The following TRMT61B variants were observed in gnomAD, a reference collection of about 807,000 sequenced individuals.
TRMT61B encodes the protein tRNA (adenine(58)-N(1))-methyltransferase, mitochondrial.
A neutral mutation model predicts 52.0 loss-of-function variants in TRMT61B; 56 were observed. The observed-to-expected ratio is 1.08, with a 90% CI of 0.87 to 1.35. TRMT61B has a LOEUF of 1.35. Ranked by LOEUF, TRMT61B falls within the 40% of genes most tolerant of loss-of-function variation. TRMT61B has a pLI of 0.00. For synonymous variants in TRMT61B, 206 were observed against 220.0 expected (o/e 0.94, Z 0.56); for missense variants, 650 against 577.9 (o/e 1.12, Z -1.28).
At position 28,869,845 on chromosome 2, in the gene TRMT61B, T is replaced by C. The variant is rs781539246; in HGVS notation, c.433A>G (p.Thr145Ala). The C allele has an allele frequency of 6.8e-6, 11 of 1,613,960 alleles. No individual in the cohort carries two copies. The highest frequency in any genetic ancestry group is 2.2e-5 in the East Asian group (1 of 44,882). ...GCCTGAAAGGGTCTCTCTCTGGAAG[T>C]TGAACAAGAAGGGGAGACGTGACGC... ...EERHVSPSCS[T>A]SRERPFQAGE... Residue 145 changes from threonine (T) to alanine (A), a missense_variant, in exon 1 of 7, where the codon ACT becomes GCT. Thr to Ala is a moderately conservative substitution (Grantham distance 58). Transcript: ENST00000306108.
chr2:28,863,915 C>G (rs541390731), intron 2 of TRMT61B, among the ~76,000 whole-genome samples: 1 of 152,214 alleles, frequency 6.6e-6, no homozygotes, highest in East Asian at 1.9e-4. Context: ...ACTGCACAGA[C>G]AGACCACCCA....
At chr2:28,856,814 T>A (rs1328501563) in intron 3 of TRMT61B, among the ~76,000 whole-genome samples, 1 of 151,992 alleles carries the variant, frequency 6.6e-6, no homozygotes, top group African/African-American at 2.4e-5. Flanking sequence ...TTTTTTTATC[T>A]TTAGCAGAGA....
At position 28,868,507 on chromosome 2, in the gene TRMT61B, A is replaced by G. The variant is rs578227115; in HGVS notation, c.699+1072T>C. On this transcript the variant is annotated intron_variant, in intron 1 of 6. Coordinates refer to ENST00000306108, the MANE Select transcript of TRMT61B (RefSeq NM_017910.4). The stretch of plus-strand genomic sequence containing the variant: ...GTTTGTTCTTTGTCACCCCTTCTAG[A>G]ATGTAAGGTCTATGTTGAGGGTGAG... Among the ~76,000 whole-genome samples the G allele has an allele frequency of 3.2e-3, 493 of 152,272 alleles. 2 individuals are homozygous for G. The highest frequency in any genetic ancestry group is 0.011 in the African/African-American group (452 of 41,556).
chr2:28,855,385 C>G (rs1240449107), intron 3 of TRMT61B, among the ~76,000 whole-genome samples: 1 of 152,140 alleles, frequency 6.6e-6, no homozygotes, highest in African/African-American at 2.4e-5. Flanking sequence ...ACTTTAAAAT[C>G]TACATGCAGA....
At position 28,850,174 on chromosome 2, in the gene TRMT61B, A is replaced by T. The variant is rs781714265; in HGVS notation, c.*25T>A. 9 of 1,596,112 alleles carry T rather than the reference A, an allele frequency of 5.6e-6. No homozygotes were observed. The African/African-American group carries it at 1.1e-4, about 19-fold the overall frequency. The stretch of plus-strand genomic sequence containing the variant: ...CTATTTTGATATTTTTCCATCTTCA[A>T]GTCAGTTACTGTCATCTGGAGTACT... On this transcript the variant is annotated 3_prime_UTR_variant, in exon 7 of 7. Coordinates refer to ENST00000306108, the MANE Select transcript of TRMT61B (RefSeq NM_017910.4).
At chr2:28,865,282 C>A (rs1669790406) in intron 1 of TRMT61B, among the ~76,000 whole-genome samples, 163 bp from the exon 2 acceptor site, 1 of 152,108 alleles carries the variant, frequency 6.6e-6, no homozygotes, top group African/African-American at 2.4e-5. Flanking sequence ...TAAAAGAGAT[C>A]CAAGAATCAA....
At chr2:28,852,552 A>G (rs373949081) in intron 3 of TRMT61B, 53 bp from the exon 4 acceptor site, 78 of 1,207,494 alleles carry the variant, frequency 6.5e-5, no homozygotes, top group Non-Finnish European at 8.5e-5. Flanking sequence ...TAAATAAAGC[A>G]TAAGTTTTCT....
At chr2:28,866,338 C>G (rs1179058032) in intron 1 of TRMT61B, among the ~76,000 whole-genome samples, 1 of 152,148 alleles carries the variant, frequency 6.6e-6, no homozygotes, top group Non-Finnish European at 1.5e-5. Context: ...TAACAGCGGT[C>G]CCCAACCTTT....
chr2:28,856,435 C>T (rs2148128250), intron 3 of TRMT61B, among the ~76,000 whole-genome samples: 1 of 152,254 alleles, frequency 6.6e-6, no homozygotes, highest in South Asian at 2.1e-4. Flanking sequence ...AAACAGAAAT[C>T]TAGACAGTCT....
intron 3 of TRMT61B, among the ~76,000 whole-genome samples, chr2:28,855,110 T>G (rs1370508603): frequency 6.6e-6 from 1 of 152,084 alleles, no homozygotes; most frequent in African/African-American, 2.4e-5. Context: ...AACACTCAGG[T>G]AGTAGGCTAC....
rs1670029442 is a variant in TRMT61B, at chr2:28,870,248, G to A, written c.30C>T (p.Val10=). MLMAWCRGP[V]LLCLRQGLGT... ...CGAGCCCCTGCCGCAGGCACAGCAAGACAGGACCGCGGCACCATGCCATTA... is the reference window on the plus strand; with the variant it reads ...CGAGCCCCTGCCGCAGGCACAGCAAAACAGGACCGCGGCACCATGCCATTA... Residue 10 remains valine, a synonymous_variant, in exon 1 of 7, where the codon GTC becomes GTT. Transcript: ENST00000306108. 5.0e-6 allele frequency: 8 copies of A among 1,601,888 alleles called. No individual in the cohort carries two copies. The highest frequency in any genetic ancestry group is 1.3e-5 in the African/African-American group (1 of 74,738).
At chr2:28,854,108 A>T (rs993737221) in intron 3 of TRMT61B, among the ~76,000 whole-genome samples, 3 of 152,204 alleles carry the variant, frequency 2.0e-5, no homozygotes, top group African/African-American at 7.2e-5. Context: ...AAACAGTACT[A>T]ATCAGTCAAG....
chr2:28,851,299 C>T lies in TRMT61B; in HGVS notation c.1086-1G>A. 3.2e-6 allele frequency: 5 copies of T among 1,581,434 alleles called. No homozygotes were observed. Among genetic ancestry groups the T allele is most frequent in the Non-Finnish European group, 4.3e-6 (5 of 1,167,668 alleles). On this transcript the variant is annotated splice_acceptor_variant, in intron 4 of 6. Coordinates refer to ENST00000306108, the MANE Select transcript of TRMT61B (RefSeq NM_017910.4). LOFTEE classifies it high-confidence loss of function. ...TAAAAGTTCAATAACCTGTGTGATG[C>T]TTTCAGAAAAGTGAAAAATTTACAT...
Position 28,869,633 on chromosome 2 carries a change from G to A in TRMT61B, c.645C>T (p.Ala215=). The A allele has an allele frequency of 6.2e-7, 1 of 1,614,104 alleles. No homozygotes were observed. The highest frequency in any genetic ancestry group is 8.5e-7 in the Non-Finnish European group (1 of 1,180,008). Residue 215 remains alanine (A), a synonymous_variant, in exon 1 of 7, where the codon GCC becomes GCT. Coordinates refer to ENST00000306108, the MANE Select transcript of TRMT61B (RefSeq NM_017910.4). ...FGKQYMLRRP[A]LEDYVVLMKR... ...TCATCAATACTACATAGTCTTCCAAGGCTGGCCTCCTCAGCATGTACTGCT... is the reference window on the plus strand; with the variant it reads ...TCATCAATACTACATAGTCTTCCAAAGCTGGCCTCCTCAGCATGTACTGCT...
rs764450026 is a variant in TRMT61B, at chr2:28,851,212, C to T, written c.1172G>A (p.Arg391Lys). 4.0e-5 allele frequency: 64 copies of T among 1,613,596 alleles called. No individual in the cohort carries two copies. The highest frequency in any genetic ancestry group is 3.5e-4 in the Admixed American group (21 of 59,934). ...SCEKISEVIV[R>K]DWLVCLAKQK... is the part of the protein sequence containing the mutation. ...TTTTGCAAGGCAAACCAACCAATCT[C>T]TGACAATGACCTCGCTTATCTTTTC... The change falls in exon 5 of 7, where the codon AGA becomes AAA. Residue 391 changes from arginine to lysine, a missense_variant. By Grantham distance (26) the Arg-to-Lys change is conservative. Transcript: ENST00000306108.
chr2:28,867,926 C>T (rs1669918018), intron 1 of TRMT61B, among the ~76,000 whole-genome samples: 1 of 152,008 alleles, frequency 6.6e-6, no homozygotes, highest in African/African-American at 2.4e-5. Context: ...GTGGCATGCA[C>T]CTGTGGTCCC....
chr2:28,851,831 A>C (rs1165958971), intron 4 of TRMT61B, among the ~76,000 whole-genome samples: 1 of 145,590 alleles, frequency 6.9e-6, no homozygotes, highest in African/African-American at 2.6e-5. Context: ...GCGAGCTGAG[A>C]TCATGACACT....
intron 2 of TRMT61B, among the ~76,000 whole-genome samples, chr2:28,863,054 T>G (rs1304999161): frequency 6.6e-6 from 1 of 152,176 alleles, no homozygotes; most frequent in Admixed American, 6.6e-5. Context: ...GTTTACAGTT[T>G]ACTAATGAAG....
At chr2:28,851,343 A>T in intron 4 of TRMT61B, 45 bp from the exon 5 acceptor site, 1 of 1,316,630 alleles carries the variant, frequency 7.6e-7, no homozygotes, top group Non-Finnish European at 1.0e-6. Flanking sequence ...AAATAATAAC[A>T]TTATATTTAT....
Sources: gnomAD v4.1 joint callset for allele counts (sites outside exome capture counted in the v4.1 genomes callset) on GRCh38, gnomAD v4.1.1 for gene constraint, MANE v1.5 for transcripts, NCBI Gene and HGNC (gene_info 2026-07-23, HGNC 2026-07-21) for gene names.